KAT14: variants seen among roughly 807,000 people sequenced by gnomAD.
The protein encoded by KAT14 is lysine acetyltransferase 14, also known as cysteine-rich protein 2-binding protein.
In KAT14, 66 loss-of-function variants were observed where a neutral mutation model predicts 78.4. The observed-to-expected ratio is 0.84, with a 90% CI of 0.69 to 1.03. The LOEUF (loss-of-function observed/expected upper bound fraction) is 1.03. Among genes scored for constraint, KAT14 ranks in the 50% least tolerant of loss-of-function variants. The pLI is 0.00. For missense variants in KAT14, 870 were observed against 972.5 expected (o/e 0.89, Z 1.40); for synonymous variants, 344 against 359.4 (o/e 0.96, Z 0.48).
At chr20:18,173,016 T>G (rs1392932562) in intron 7 of KAT14, among the ~76,000 whole-genome samples, 1 of 152,198 alleles carries the variant, frequency 6.6e-6, no homozygotes, top group Admixed American at 6.5e-5. Flanking sequence ...AGTTAGGTAT[T>G]TCTCTTCCCC....
upstream of KAT14, chr20:18,137,764 G>C: frequency 1.9e-6 from 1 of 515,528 alleles, no homozygotes; most frequent in Non-Finnish European, 3.2e-6. Context: ...CCAAGAGTTC[G>C]TAGAGCCTGG....
In KAT14 at chr20:18,162,761, T is replaced by C. The variant is rs749558229; in HGVS notation, c.1484T>C (p.Ile495Thr). The C allele has an allele frequency of 2.5e-6, 4 of 1,614,082 alleles. No individual in the cohort carries two copies. The highest frequency in any genetic ancestry group is 1.7e-5 in the Admixed American group (1 of 60,006). Residue 495 changes from isoleucine to threonine, a missense_variant, in exon 7 of 11, where the codon ATT becomes ACT. Ile to Thr is a moderately conservative substitution (Grantham distance 89). Transcript: ENST00000688188. ...PEARRLKRKL[I>T]VRQAKRDRGL... ...GCTCGGAGACTGAAACGCAAACTGA[T>C]TGTCAGACAAGCGAAAAGGGATAGG... is the stretch of plus-strand genomic sequence containing the variant.
intron 3 of KAT14, among the ~76,000 whole-genome samples, chr20:18,149,774 A>C (rs2037968214): frequency 6.6e-6 from 1 of 151,722 alleles, no homozygotes; most frequent in Admixed American, 6.6e-5. Flanking sequence ...GGAGTTTGAA[A>C]CCCTGTCTCT....
In KAT14 at chr20:18,181,343, A is replaced by C. The variant is rs372558777; in HGVS notation, c.1669-367A>C. Among the ~76,000 whole-genome samples, 331 of 150,570 alleles carry C rather than the reference A, an allele frequency of 2.2e-3. 7 individuals carry two copies. In the South Asian group the frequency reaches 0.06, roughly 27 times the overall value. On this transcript the variant is annotated intron_variant, in intron 7 of 10. Transcript: ENST00000688188. Reference sequence around the variant, plus strand: ...ACTAATTATATATGGAAATTAACCAATCCTCAGAGTAATTTTGTTTCTTTT... The same window carrying C: ...ACTAATTATATATGGAAATTAACCACTCCTCAGAGTAATTTTGTTTCTTTT...
At chr20:18,139,061 A>G (rs948786745) in intron 1 of KAT14, among the ~76,000 whole-genome samples, 5 of 152,180 alleles carry the variant, frequency 3.3e-5, no homozygotes, top group African/African-American at 9.7e-5. Context: ...GGACTGTGCT[A>G]TGTGCTTGAT....
chr20:18,164,442 A>G (rs2038560190), intron 7 of KAT14, among the ~76,000 whole-genome samples: 1 of 151,754 alleles, frequency 6.6e-6, no homozygotes, highest in Non-Finnish European at 1.5e-5. Context: ...CCATAGTCAT[A>G]CCCCCCAGGC....
In KAT14 at chr20:18,154,062, G is replaced by T. The variant is rs538058519; in HGVS notation, c.500+3120G>T. On this transcript the variant is annotated intron_variant, in intron 4 of 10. Coordinates refer to ENST00000688188, the MANE Select transcript of KAT14 (RefSeq NM_001392073.1). ...AATCACTTTATGATTCTTGCCACCC[G>T]GTTTCATGCTACAGTGCTGCTCTTC... 2.0e-5 allele frequency among the ~76,000 whole-genome samples: 3 copies of T among 152,158 alleles called. No homozygotes were observed. The South Asian group carries it at 6.2e-4, about 32-fold the overall frequency.
At chr20:18,185,962 A>G (rs890449085) in intron 10 of KAT14, among the ~76,000 whole-genome samples, 1 of 152,206 alleles carries the variant, frequency 6.6e-6, no homozygotes, top group Non-Finnish European at 1.5e-5. Context: ...AGAGCTTCTC[A>G]GTTATTTCTA....
intron 7 of KAT14, 129 bp downstream of exon 7, chr20:18,163,074 G>A: frequency 8.0e-7 from 1 of 1,249,834 alleles, no homozygotes; most frequent in Non-Finnish European, 1.1e-6. Context: ...GAAAAGTAAA[G>A]TGCAAGGGAA....
At chr20:18,138,677 A>G (rs1321874376) in intron 1 of KAT14, among the ~76,000 whole-genome samples, 1 of 152,182 alleles carries the variant, frequency 6.6e-6, no homozygotes, top group Non-Finnish European at 1.5e-5. Context: ...TGGGAACGAT[A>G]GAGATAACAG....
At chr20:18,173,301 C>T (rs1484828066) in intron 7 of KAT14, among the ~76,000 whole-genome samples, 1 of 152,240 alleles carries the variant, frequency 6.6e-6, no homozygotes, top group East Asian at 1.9e-4. Context: ...CAGGGCTTTC[C>T]CGCCTTGATG....
At chr20:18,144,287 T>A in intron 2 of KAT14, among the ~76,000 whole-genome samples, 1 of 152,248 alleles carries the variant, frequency 6.6e-6, no homozygotes, top group East Asian at 1.9e-4. Flanking sequence ...AGGTTCTGCC[T>A]GAATTCTCAG....
chr20:18,162,601 GA>G lies in KAT14; in HGVS notation c.1328del (p.Lys443ArgfsTer20). The G allele has an allele frequency of 1.2e-6, 2 of 1,614,156 alleles. No individual in the cohort carries two copies. Among genetic ancestry groups the G allele is most frequent in the Non-Finnish European group, 1.7e-6 (2 of 1,180,036 alleles). ...CACATCTTTGCAAACAAGGGCTAGAGAAAAGAGGAAGCCTCAGCTGGAGAAG... is the reference window on the plus strand; with the variant it reads ...CACATCTTTGCAAACAAGGGCTAGAGAAAGAGGAAGCCTCAGCTGGAGAAG... ...SNTSLQTRAR[E>X]KRKPQLEKDT... On this transcript the variant is annotated frameshift_variant, in exon 7 of 11. Coordinates refer to ENST00000688188, the MANE Select transcript of KAT14 (RefSeq NM_001392073.1). LOFTEE classifies it high-confidence loss of function.
At chr20:18,153,843 A>C (rs1049138410) in intron 4 of KAT14, among the ~76,000 whole-genome samples, 1 of 152,260 alleles carries the variant, frequency 6.6e-6, no homozygotes, top group Admixed American at 6.5e-5. Flanking sequence ...GGAAACCTAT[A>C]TAAATTGTCA....
rs1274224716 is a variant in KAT14 at position 18,138,212 on chromosome 20, G to A, written c.-454+161G>A. 10 of 1,265,362 alleles carry A rather than the reference G, an allele frequency of 7.9e-6. No homozygotes were observed. In the East Asian group the frequency reaches 3.2e-4, roughly 41 times the overall value. The allele number at this position is 1,265,362 out of a possible 1,614,324, so 78.4% of individuals were successfully genotyped here. On this transcript the variant is annotated intron_variant, in intron 1 of 10. Transcript: ENST00000688188. ...GCGTTTGCGGCTGCGGCCGGCGGCC[G>A]CTCTGCTGGGCTCCGGGCGCTGCAG... is the stretch of plus-strand genomic sequence containing the variant.
In KAT14 at chr20:18,184,688, G is replaced by A; in HGVS notation, c.2068G>A (p.Val690Ile). 1 of 1,613,788 alleles carries A rather than the reference G, an allele frequency of 6.2e-7. No homozygotes were observed. The highest frequency in any genetic ancestry group is 8.5e-7 in the Non-Finnish European group (1 of 1,179,912). ...AGTCATCATTGCCTTTGGCTTCATG[G>A]TTCCTGATGTGAAATACAATGAAGC... ...KKVIIAFGFM[V>I]PDVKYNEAYI... The change falls in exon 10 of 11, where the codon GTT becomes ATT. Residue 690 changes from valine (V) to isoleucine (I), a missense_variant. Physicochemically the swap from Val to Ile is conservative, Grantham distance 29. Transcript: ENST00000688188.
chr20:18,162,632 C>A lies in KAT14; in HGVS notation c.1355C>A (p.Thr452Lys). The change falls in exon 7 of 11, where the codon ACA (threonine) becomes AAA (lysine). Residue 452 changes from threonine to lysine, a missense_variant. Transcript: ENST00000688188. ...AGGAAGCCTCAGCTGGAGAAGGACA[C>A]AAAGCCGAAAGAGCCCAGGTATACT... ...EKRKPQLEKD[T>K]KPKEPRYTPV... 1 of 1,614,150 alleles carries A rather than the reference C, an allele frequency of 6.2e-7. No individual in the cohort carries two copies. Among genetic ancestry groups the A allele is most frequent in the Non-Finnish European group, 8.5e-7 (1 of 1,180,020 alleles).
chr20:18,187,288 C>T lies in KAT14; in HGVS notation c.2175C>T (p.Thr725=), dbSNP rs1275310818. 6.2e-7 allele frequency: 1 copy of T among 1,600,222 alleles called. No individual in the cohort carries two copies. The highest frequency in any genetic ancestry group is 1.8e-5 in the Admixed American group (1 of 55,436). ...ATFMIYHLIQ[T]CMGKDVTLHV... ...GTATTTTTCCACTCTTTTGGCAGAC[C>T]TGCATGGGCAAGGACGTAACCCTTC... Residue 725 remains threonine (T), a splice_region_variant and synonymous_variant, in exon 11 of 11, where the codon ACC becomes ACT. Transcript: ENST00000688188.
rs1600227625 is a variant in KAT14 at position 18,162,439 on chromosome 20, G to C, written c.1162G>C (p.Ala388Pro). 6.2e-7 allele frequency: 1 copy of C among 1,614,136 alleles called. No homozygotes were observed. ...DPGMEYVPPP[A>P]GSVASGPVVG... ...AGGGATGGAGTACGTCCCACCCCCT[G>C]CTGGGTCAGTAGCTTCTGGGCCAGT... Residue 388 changes from alanine (A) to proline (P), a missense_variant, in exon 7 of 11, where the codon GCT becomes CCT. Transcript: ENST00000688188.
Sources: gnomAD v4.1 joint callset for allele counts (sites outside exome capture counted in the v4.1 genomes callset) on GRCh38, gnomAD v4.1.1 for gene constraint, MANE v1.5 for transcripts, NCBI Gene and HGNC (gene_info 2026-07-23, HGNC 2026-07-21) for gene names.